The following TRMT44 variants were observed in gnomAD, a reference collection of about 807,000 sequenced individuals.
The protein encoded by TRMT44 is probable tRNA (uracil-O(2)-)-methyltransferase.
TRMT44 carries 78 observed loss-of-function variants against 77.3 expected under a neutral mutation model. That is an observed-to-expected ratio of 1.01 (90% CI 0.84 to 1.22). The LOEUF (loss-of-function observed/expected upper bound fraction) is 1.22, where lower values mean the gene tolerates loss of function less well. Ranked by LOEUF, TRMT44 falls within the 50% of genes most tolerant of loss-of-function variation. The pLI is 0.00. For missense variants in TRMT44, 1,090 were observed against 964.4 expected (o/e 1.13, Z -1.73); for synonymous variants, 391 against 383.3 (o/e 1.02, Z -0.23).
chr4:8,442,132 G>T (rs1042206090), intron 1 of TRMT44, among the ~76,000 whole-genome samples: 5 of 152,186 alleles, frequency 3.3e-5, no homozygotes, highest in Non-Finnish European at 7.3e-5. Context: ...AGTGTTTATA[G>T]GTAAGACAGT....
intron 10 of TRMT44, among the ~76,000 whole-genome samples, chr4:8,472,581 C>A (rs1727083859): frequency 6.6e-6 from 1 of 152,228 alleles, no homozygotes; most frequent in African/African-American, 2.4e-5. Context: ...TTTGTGCACA[C>A]ACACACACTG....
intron 2 of TRMT44, among the ~76,000 whole-genome samples, 189 bp from the exon 3 acceptor site, chr4:8,449,480 G>A (rs1439163841): frequency 1.3e-5 from 2 of 152,018 alleles, no homozygotes; most frequent in Admixed American, 6.6e-5. Flanking sequence ...AAGAAAAGAG[G>A]GATTCTCTGT....
Position 8,451,865 on chromosome 4 carries a change from C to G in TRMT44, c.955-95C>G. Reference sequence around the variant, plus strand: ...TTTCCTATTTTAGTGTACGATTAGTCCAGTTTGATTTATGCTTTATAGGGA... The same window carrying G: ...TTTCCTATTTTAGTGTACGATTAGTGCAGTTTGATTTATGCTTTATAGGGA... On this transcript the variant is annotated intron_variant, in intron 3 of 10. Transcript: ENST00000389737. This position sits in a 1 kb window ranked among gnomAD's most constrained non-coding sequence, Gnocchi z 4.1. The G allele has an allele frequency of 1.8e-6, 2 of 1,095,336 alleles. No homozygotes were observed. The highest frequency in any genetic ancestry group is 2.7e-6 in the Non-Finnish European group (2 of 746,998). 67.9% of individuals were successfully genotyped at this position (1,095,336 alleles called of 1,614,324 possible).
Position 8,444,693 on chromosome 4 carries a change from C to G in TRMT44, c.620-1783C>G, listed in dbSNP as rs116575409. On this transcript the variant is annotated intron_variant, in intron 1 of 10. Coordinates refer to ENST00000389737, the MANE Select transcript of TRMT44 (RefSeq NM_152544.3). The surrounding 1 kb of genome is among the most constrained non-coding windows in gnomAD (Gnocchi z 4.0). ...GGTTACGGGCGTGAGCCACCTCTCC[C>G]GGCCACTATTGTACATTTTTAAATA... Among the ~76,000 whole-genome samples, 1 of 152,198 alleles carries G rather than the reference C, an allele frequency of 6.6e-6. No individual in the cohort carries two copies. The highest frequency in any genetic ancestry group is 2.1e-4 in the South Asian group (1 of 4,822).
chr4:8,467,610 A>G (rs1726676012), intron 8 of TRMT44, among the ~76,000 whole-genome samples: 1 of 152,126 alleles, frequency 6.6e-6, no homozygotes, highest in Non-Finnish European at 1.5e-5. Context: ...CCTCCTGAGT[A>G]GCTGGGACTA....
intron 2 of TRMT44, among the ~76,000 whole-genome samples, chr4:8,486,661 T>C (rs1162848330): frequency 1.3e-5 from 2 of 152,018 alleles, no homozygotes; most frequent in East Asian, 3.9e-4. Flanking sequence ...TTATATTTGA[T>C]GAAAAAGAGC....
chr4:8,506,793 C>G, the TRMT44 span: 1 of 152,026 alleles, frequency 6.6e-6, no homozygotes, highest in Non-Finnish European at 1.5e-5. Context: ...TTTCTTGGCA[C>G]AAATATAAAA....
At chr4:8,462,305 G>A (rs570891326) in intron 6 of TRMT44, among the ~76,000 whole-genome samples, 14 of 152,308 alleles carry the variant, frequency 9.2e-5, no homozygotes, top group African/African-American at 3.4e-4. Flanking sequence ...TAGCTACTCG[G>A]GAGGCTGAGG....
At chr4:8,489,080 G>A (rs1333447381) in intron 2 of TRMT44, among the ~76,000 whole-genome samples, 1 of 152,270 alleles carries the variant, frequency 6.6e-6, no homozygotes, top group Non-Finnish European at 1.5e-5. Context: ...GAAAGGAACT[G>A]TGTCATCCGG....
intron 2 of TRMT44, among the ~76,000 whole-genome samples, chr4:8,485,429 G>T (rs1727773118): frequency 6.6e-6 from 1 of 152,234 alleles, no homozygotes; most frequent in Non-Finnish European, 1.5e-5. Context: ...TGGGGGAATT[G>T]TAAGGAGAGT....
At position 8,452,925 on chromosome 4, in the gene TRMT44, G is replaced by C. The variant is rs952750721; in HGVS notation, c.1067G>C (p.Arg356Thr). 1.1e-5 allele frequency: 17 copies of C among 1,533,648 alleles called. No individual in the cohort carries two copies. In the East Asian group the frequency reaches 4.2e-4, roughly 38 times the overall value. The change falls in exon 5 of 11, where the codon AGG becomes ACG. Residue 356 changes from arginine to threonine, a missense_variant. Coordinates refer to ENST00000389737, the MANE Select transcript of TRMT44 (RefSeq NM_152544.3). This position sits in a 1 kb window ranked among gnomAD's most constrained non-coding sequence, Gnocchi z 5.7. ...AGGGCTGAGAGGAGACTAACTGCCA[G>C]GCAGTCCTTTGTGGACCTGGGATGT... ...EERAERRLTA[R>T]QSFVDLGCGN...
At chr4:8,494,798 CT>C (rs112868310), downstream of TRMT44, among the ~76,000 whole-genome samples, 136 of 147,486 alleles carry the variant, frequency 9.2e-4, no homozygotes, top group African/African-American at 2.0e-3. Flanking sequence ...AGGTATGAAG[CT>C]TTTTTTTTTT....
In TRMT44 at chr4:8,442,475, A is replaced by G. The variant is rs191749627; in HGVS notation, c.619+1034A>G. Among the ~76,000 whole-genome samples, 3 of 152,348 alleles carry G rather than the reference A, an allele frequency of 2.0e-5. No individual in the cohort carries two copies. In the East Asian group the frequency reaches 5.8e-4, roughly 29 times the overall value. The stretch of plus-strand genomic sequence containing the variant: ...AGCATGTGTTTCGTATTGCCACTGT[A>G]ACAAATTACTGCAAATTCATTGGTC... On this transcript the variant is annotated intron_variant, in intron 1 of 10. Coordinates refer to ENST00000389737, the MANE Select transcript of TRMT44 (RefSeq NM_152544.3).
At chr4:8,481,413 G>C (rs549945168), downstream of TRMT44, among the ~76,000 whole-genome samples, 61 of 152,292 alleles carry the variant, frequency 4.0e-4, no homozygotes, top group African/African-American at 1.4e-3. Context: ...CATGGGCCAT[G>C]GTCACTCATA....
At chr4:8,470,689 G>C (rs1341129955) in intron 9 of TRMT44, among the ~76,000 whole-genome samples, 2 of 152,204 alleles carry the variant, frequency 1.3e-5, no homozygotes, top group Non-Finnish European at 2.9e-5. Flanking sequence ...CCACTGGGAA[G>C]GCTCAGGCCC....
intron 6 of TRMT44, among the ~76,000 whole-genome samples, chr4:8,462,240 C>G (rs112629490): frequency 6.6e-5 from 10 of 151,712 alleles, no homozygotes; most frequent in African/African-American, 2.4e-4. Flanking sequence ...GAGAAACCCC[C>G]GTCTCTACTA....
At chr4:8,512,886 C>G in the TRMT44 span, among the ~76,000 whole-genome samples, 3 of 152,110 alleles carry the variant, frequency 2.0e-5, no homozygotes, top group East Asian at 5.8e-4. Context: ...GTTTTTGTTT[C>G]TTAAATAAAT....
intron 5 of TRMT44, chr4:8,453,819 T>A (rs12506429): frequency 0.026 from 3,993 of 152,320 alleles, 97 homozygotes; most frequent in African/African-American, 0.066. Context: ...TATTGATGGT[T>A]CCAAACTGAT....
intron 6 of TRMT44, among the ~76,000 whole-genome samples, chr4:8,457,673 G>A (rs1725887987): frequency 6.6e-6 from 1 of 152,206 alleles, no homozygotes; most frequent in Non-Finnish European, 1.5e-5. Context: ...CTACAGAAAA[G>A]GCCATGAAAG....
Sources: gnomAD v4.1 joint callset for allele counts (sites outside exome capture counted in the v4.1 genomes callset) on GRCh38, gnomAD v4.1.1 for gene constraint, Gnocchi (gnomAD v3.1) non-coding constraint, MANE v1.5 for transcripts, NCBI Gene and HGNC (gene_info 2026-07-23, HGNC 2026-07-21) for gene names.